DPF3: variants seen among roughly 807,000 people sequenced by gnomAD.
DPF3 encodes the protein zinc finger protein DPF3.
Under a neutral mutation model 56.8 loss-of-function variants are expected in DPF3, and 18 were observed. The ratio of observed to expected loss-of-function variants is 0.32; its 90% CI spans 0.22 to 0.47. The LOEUF is 0.47. DPF3 is among the 20% of genes least tolerant of loss of function. The pLI is 1.00. For missense variants in DPF3, 403 were observed against 488.8 expected (o/e 0.82, Z 1.65); for synonymous variants, 188 against 180.2 (o/e 1.04, Z -0.35).
At chr14:72,671,244 C>T (rs1013154091) in intron 8 of DPF3, 14 of 1,613,974 alleles carry the variant, frequency 8.7e-6, no homozygotes, top group South Asian at 2.2e-5. Context: ...GGAAAGTTGA[C>T]GTGTCACTTT....
intron 1 of DPF3, among the ~76,000 whole-genome samples, chr14:72,862,935 G>A (rs980874779): frequency 1.3e-5 from 2 of 152,052 alleles, no homozygotes; most frequent in Admixed American, 1.3e-4. Flanking sequence ...ACCCAGAATA[G>A]TGTGACTAAT....
At chr14:72,638,895 C>A (rs765240063) in intron 8 of DPF3, among the ~76,000 whole-genome samples, 2 of 150,722 alleles carry the variant, frequency 1.3e-5, no homozygotes, top group Non-Finnish European at 2.9e-5. Context: ...TGGCTCACTG[C>A]GAGCTCTGCC....
intron 9 of DPF3, among the ~76,000 whole-genome samples, chr14:72,625,209 C>G (rs1203340625): frequency 6.6e-6 from 1 of 152,132 alleles, no homozygotes; most frequent in Non-Finnish European, 1.5e-5. Context: ...TTTCCCCTTT[C>G]CCTCTACATT....
intron 1 of DPF3, among the ~76,000 whole-genome samples, chr14:72,821,393 G>A (rs921966695): frequency 2.0e-5 from 3 of 151,920 alleles, no homozygotes; most frequent in Non-Finnish European, 4.4e-5. Context: ...GACCTGCCTG[G>A]GCAACATAGC....
At chr14:72,795,144 G>C (rs75878544) in intron 1 of DPF3, among the ~76,000 whole-genome samples, 1 of 151,818 alleles carries the variant, frequency 6.6e-6, no homozygotes, top group African/African-American at 2.4e-5. Flanking sequence ...GTAAGGTCAC[G>C]CTTCTATCTA....
intron 6 of DPF3, among the ~76,000 whole-genome samples, chr14:72,707,844 T>C (rs1888473673): frequency 6.6e-6 from 1 of 151,822 alleles, no homozygotes; most frequent in African/African-American, 2.4e-5. Context: ...TTTTGCTCTG[T>C]CATCCAGGCT....
intron 1 of DPF3, among the ~76,000 whole-genome samples, chr14:72,869,518 G>A (rs1408336020): frequency 6.6e-6 from 1 of 152,190 alleles, no homozygotes; most frequent in Non-Finnish European, 1.5e-5. Context: ...GTGAGACGGT[G>A]TGCTTCTCCT....
At chr14:72,804,235 AT>A (rs1179536596) in intron 1 of DPF3, among the ~76,000 whole-genome samples, 6 of 150,846 alleles carry the variant, frequency 4.0e-5, no homozygotes, top group Non-Finnish European at 7.4e-5. Flanking sequence ...GCAGACAAAG[AT>A]TCCCCCCTTC....
At chr14:72,741,967 G>C (rs1599400466) in intron 3 of DPF3, among the ~76,000 whole-genome samples, 5 of 152,360 alleles carry the variant, frequency 3.3e-5, no homozygotes, top group Admixed American at 3.3e-4. Context: ...CAAGCTCCCA[G>C]AGCCCTGCAG....
intron 8 of DPF3, among the ~76,000 whole-genome samples, chr14:72,644,903 C>T (rs1406018311): frequency 6.6e-6 from 1 of 152,212 alleles, no homozygotes; most frequent in Admixed American, 6.5e-5. Flanking sequence ...CGTATACCAC[C>T]ATTCTATCCC....
intron 1 of DPF3, among the ~76,000 whole-genome samples, chr14:72,832,050 T>C (rs1273688879): frequency 6.6e-6 from 1 of 151,938 alleles, no homozygotes; most frequent in African/African-American, 2.4e-5. Context: ...AGACCCCATC[T>C]CAACAAAAAA....
chr14:72,833,573 A>G (rs541740733), intron 1 of DPF3, among the ~76,000 whole-genome samples: 112 of 152,182 alleles, frequency 7.4e-4, no homozygotes, highest in Non-Finnish European at 1.2e-3. Context: ...TGGGGGAAAA[A>G]AAAAATTTAA....
chr14:72,693,076 G>T lies in DPF3; in HGVS notation c.742C>A (p.Pro248Thr), dbSNP rs775368888. Residue 248 changes from proline to threonine, a missense_variant and splice_region_variant, in exon 7 of 11, where the codon CCC becomes ACC. Transcript: ENST00000556509. Reference sequence around the variant, plus strand: ...CCCAACCTAACAAGTAGGCACTCACGCCTGTGGTTCTCATTTCTGTGGTTG... The same window carrying T: ...CCCAACCTAACAAGTAGGCACTCACTCCTGTGGTTCTCATTTCTGTGGTTG... The part of the protein sequence containing the change: ...PPNHRNENHR[P>T]QKGPDGTVIP... 2 of 1,613,852 alleles carry T rather than the reference G, an allele frequency of 1.2e-6. No homozygotes were observed. The highest frequency in any genetic ancestry group is 1.7e-6 in the Non-Finnish European group (2 of 1,179,896).
intron 1 of DPF3, among the ~76,000 whole-genome samples, chr14:72,810,078 T>C (rs1335434536): frequency 1.3e-5 from 2 of 152,202 alleles, no homozygotes; most frequent in African/African-American, 4.8e-5. Flanking sequence ...GGGTGACTTG[T>C]ACAAATGCCT....
intron 8 of DPF3, among the ~76,000 whole-genome samples, chr14:72,650,197 A>G (rs544893944): frequency 1.3e-5 from 2 of 152,168 alleles, no homozygotes; most frequent in East Asian, 3.9e-4. Flanking sequence ...CTCATTAGCT[A>G]CCCAGCCGTG....
At chr14:72,667,257 T>G (rs1186593785) in intron 8 of DPF3, among the ~76,000 whole-genome samples, 1 of 152,238 alleles carries the variant, frequency 6.6e-6, no homozygotes, top group Non-Finnish European at 1.5e-5. Flanking sequence ...GTGTCTGATC[T>G]TTACATAGTC....
intron 4 of DPF3, among the ~76,000 whole-genome samples, chr14:72,726,599 A>G (rs1415721944): frequency 2.6e-5 from 4 of 152,148 alleles, no homozygotes; most frequent in Non-Finnish European, 5.9e-5. Flanking sequence ...GACATAATTC[A>G]GGAGGAGCCA....
chr14:72,756,830 A>G lies in DPF3; in HGVS notation c.194-3459T>C, dbSNP rs111802022. On this transcript the variant is annotated intron_variant, in intron 2 of 10. Coordinates refer to ENST00000556509, the MANE Select transcript of DPF3 (RefSeq NM_001280542.3). ...TGTGAAAGAAAGAAAGACAGAAAGA[A>G]AGAAAGAAAGAAAGAAAGAAAGAAA... Among the ~76,000 whole-genome samples the G allele has an allele frequency of 3.9e-3, 315 of 80,488 alleles. 1 individual carries two copies. The highest frequency in any genetic ancestry group is 0.016 in the South Asian group (32 of 1,988). 52.8% of individuals were successfully genotyped at this position (80,488 alleles called of 152,430 possible). A position where few individuals can be genotyped will look rare whatever the true frequency, so the allele number is the denominator to read the frequency against.
intron 8 of DPF3, among the ~76,000 whole-genome samples, chr14:72,649,989 A>C (rs574043948): frequency 1.3e-5 from 2 of 152,226 alleles, no homozygotes; most frequent in African/African-American, 4.8e-5. Flanking sequence ...CGAGCGGCTG[A>C]TGAGCAAACT....
Sources: gnomAD v4.1 joint callset for allele counts (sites outside exome capture counted in the v4.1 genomes callset) on GRCh38, gnomAD v4.1.1 for gene constraint, MANE v1.5 for transcripts, NCBI Gene and HGNC (gene_info 2026-07-23, HGNC 2026-07-21) for gene names.